The following GMCL1 variants were observed in gnomAD, a reference collection of about 807,000 sequenced individuals.
GMCL1 encodes germ cell-less protein-like 1.
GMCL1 carries 54 observed loss-of-function variants against 75.5 expected under a neutral mutation model. The ratio of observed to expected loss-of-function variants is 0.71; its 90% CI spans 0.57 to 0.90. GMCL1 has a LOEUF of 0.90. Among genes scored for constraint, GMCL1 ranks in the 40% least tolerant of loss-of-function variants. The pLI is 0.00. For synonymous variants in GMCL1, 210 were observed against 209.6 expected (o/e 1.00, Z -0.02); for missense variants, 537 against 622.7 (o/e 0.86, Z 1.47).
intron 1 of GMCL1, among the ~76,000 whole-genome samples, chr2:69,836,008 T>C (rs1344372832): frequency 6.6e-6 from 1 of 152,228 alleles, no homozygotes; most frequent in East Asian, 1.9e-4. Context: ...AGAAAAACCT[T>C]GGAATCTTTT....
intron 1 of GMCL1, among the ~76,000 whole-genome samples, chr2:69,836,531 T>C (rs1014472014): frequency 1.3e-5 from 2 of 152,188 alleles, no homozygotes; most frequent in African/African-American, 2.4e-5. Context: ...CACTAAGACA[T>C]GTGCTGTTTT....
At chr2:69,847,488 G>C in intron 6 of GMCL1, 55 bp from the exon 7 acceptor site, 3 of 1,041,362 alleles carry the variant, frequency 2.9e-6, no homozygotes, top group African/African-American at 1.6e-5. Context: ...TTTCTACCAG[G>C]ATCCTTTAGC....
chr2:69,879,210 G>C lies in GMCL1; in HGVS notation c.*206G>C, dbSNP rs931366216. On this transcript the variant is annotated 3_prime_UTR_variant, in exon 14 of 14. Transcript: ENST00000282570. ...CCTCATTGCATTTCTATGCATATGC[G>C]TAAGAACATTTTAAAGCCAAGAAAA... 1 of 372,584 alleles carries C rather than the reference G, an allele frequency of 2.7e-6. No individual in the cohort carries two copies. 23.1% of individuals were successfully genotyped at this position (372,584 alleles called of 1,614,324 possible). A position where few individuals can be genotyped will look rare whatever the true frequency, so the allele number is the denominator to read the frequency against.
chr2:69,843,583 G>T (rs1334659208), intron 5 of GMCL1, among the ~76,000 whole-genome samples: 1 of 152,116 alleles, frequency 6.6e-6, no homozygotes, highest in South Asian at 2.1e-4. Context: ...GGGCCCAGGA[G>T]ATTAAGACCA....
intron 13 of GMCL1, among the ~76,000 whole-genome samples, chr2:69,876,714 C>T (rs185548691): frequency 1.4e-4 from 22 of 152,224 alleles, no homozygotes; most frequent in East Asian, 9.6e-4. Flanking sequence ...GCAGGCTTGG[C>T]GTGGTAGCTC....
chr2:69,852,819 A>C (rs898307925), intron 8 of GMCL1, among the ~76,000 whole-genome samples: 2 of 152,146 alleles, frequency 1.3e-5, no homozygotes, highest in African/African-American at 4.8e-5. Context: ...GATTACAGGC[A>C]TGAGCCACCA....
At position 69,829,812 on chromosome 2, in the gene GMCL1, G is replaced by A. The variant is rs1674615698; in HGVS notation, c.-81G>A. ...GTGGCGGTGTAGGCACCTGCGCTCG[G>A]GGAAGGCTGGCGGCGGCGGCCGAGC... is the stretch of plus-strand genomic sequence containing the variant. On this transcript the variant is annotated 5_prime_UTR_variant, in exon 1 of 14. Transcript: ENST00000282570. 7.0e-7 allele frequency: 1 copy of A among 1,437,012 alleles called. No individual in the cohort carries two copies. The highest frequency in any genetic ancestry group is 1.4e-5 in the African/African-American group (1 of 69,712). 89.0% of individuals were successfully genotyped at this position (1,437,012 alleles called of 1,614,324 possible).
At chr2:69,849,273 G>C (rs1449331780) in intron 7 of GMCL1, among the ~76,000 whole-genome samples, 2 of 152,016 alleles carry the variant, frequency 1.3e-5, no homozygotes, top group Non-Finnish European at 2.9e-5. Context: ...GGGCTCAAAA[G>C]GTTCTCTCAC....
intron 6 of GMCL1, among the ~76,000 whole-genome samples, chr2:69,845,531 C>T (rs1212123548): frequency 2.6e-5 from 4 of 152,198 alleles, no homozygotes; most frequent in Admixed American, 2.6e-4. Flanking sequence ...CTGCCTCAGC[C>T]TCCAAGTAGC....
At chr2:69,851,148 T>G (rs1338960524) in intron 8 of GMCL1, among the ~76,000 whole-genome samples, 1 of 152,234 alleles carries the variant, frequency 6.6e-6, no homozygotes, top group Non-Finnish European at 1.5e-5. Flanking sequence ...ATTAAAGATG[T>G]CTTTTTGGTT....
chr2:69,838,108 C>A (rs1318983587), intron 2 of GMCL1, among the ~76,000 whole-genome samples: 1 of 151,816 alleles, frequency 6.6e-6, no homozygotes, highest in East Asian at 1.9e-4. Context: ...AAAGACAACA[C>A]CAAAAAGTAT....
chr2:69,838,193 C>T (rs964942838), intron 2 of GMCL1, among the ~76,000 whole-genome samples: 1 of 151,812 alleles, frequency 6.6e-6, no homozygotes, highest in African/African-American at 2.4e-5. Flanking sequence ...ACTTTCATAG[C>T]TGACGTGGTG....
chr2:69,867,996 C>G (rs888897871), intron 11 of GMCL1, among the ~76,000 whole-genome samples: 1 of 152,218 alleles, frequency 6.6e-6, no homozygotes, highest in African/African-American at 2.4e-5. Flanking sequence ...CTACCTGCAC[C>G]TGTAGCTATG....
chr2:69,833,344 G>A (rs1000223643), intron 1 of GMCL1, among the ~76,000 whole-genome samples: 1 of 152,192 alleles, frequency 6.6e-6, no homozygotes, highest in South Asian at 2.1e-4. Context: ...GCCAGGCGTG[G>A]TGGCTCACGC....
At chr2:69,854,759 C>T (rs1305007983) in intron 8 of GMCL1, 64 bp from the exon 9 acceptor site, 1 of 1,429,150 alleles carries the variant, frequency 7.0e-7, no homozygotes, top group Non-Finnish European at 9.6e-7. Context: ...CCCCCGTCCA[C>T]AAAAACATTT....
intron 9 of GMCL1, among the ~76,000 whole-genome samples, chr2:69,858,028 A>G (rs1055154762): frequency 5.3e-5 from 8 of 152,240 alleles, no homozygotes; most frequent in African/African-American, 1.9e-4. Flanking sequence ...AATAATCTAA[A>G]TAAATTCAAT....
At chr2:69,870,689 A>G (rs565933054) in intron 12 of GMCL1, among the ~76,000 whole-genome samples, 1 of 152,332 alleles carries the variant, frequency 6.6e-6, no homozygotes, top group South Asian at 2.1e-4. Context: ...ACTCAGCTCA[A>G]AAATGGGCCA....
At chr2:69,865,183 AAATTTT>A (rs1220630168) in intron 11 of GMCL1, among the ~76,000 whole-genome samples, 1 of 152,186 alleles carries the variant, frequency 6.6e-6, no homozygotes, top group Non-Finnish European at 1.5e-5. Context: ...TGCTGAACTT[AAATTTT>A]GAGTTCAGAT....
intron 13 of GMCL1, among the ~76,000 whole-genome samples, chr2:69,878,546 G>A (rs1676189145): frequency 6.6e-6 from 1 of 152,204 alleles, no homozygotes; most frequent in Non-Finnish European, 1.5e-5. Context: ...GAAGCCCAGT[G>A]AGAAGTTTAT....
Sources: gnomAD v4.1 joint callset for allele counts (sites outside exome capture counted in the v4.1 genomes callset) on GRCh38, gnomAD v4.1.1 for gene constraint, MANE v1.5 for transcripts, NCBI Gene and HGNC (gene_info 2026-07-23, HGNC 2026-07-21) for gene names.